The following ATP2A3 variants were observed in gnomAD, a reference collection of about 807,000 sequenced individuals.
ATP2A3 encodes the protein ATPase sarcoplasmic/endoplasmic reticulum Ca2+ transporting 3, also known as sarcoplasmic/endoplasmic reticulum calcium ATPase 3.
ATP2A3 carries 61 observed loss-of-function variants against 106.8 expected under a neutral mutation model. The observed-to-expected ratio is 0.57, with a 90% confidence interval of 0.46 to 0.71. The LOEUF (loss-of-function observed/expected upper bound fraction) is 0.71. Among genes scored for constraint, ATP2A3 ranks in the 30% least tolerant of loss-of-function variants. The pLI, the probability that ATP2A3 is intolerant of heterozygous loss-of-function variation, is 0.00. For synonymous variants in ATP2A3, 611 were observed against 609.3 expected, an observed-to-expected ratio of 1.00 and a Z score of -0.04; for missense variants, 1,201 against 1,423.5, an observed-to-expected ratio of 0.84 and a Z score of 2.52.
In ATP2A3 at chr17:3,947,257, C is replaced by T; in HGVS notation, c.1095+134G>A. 9.1e-7 allele frequency: 1 copy of T among 1,104,760 alleles called. No individual in the cohort carries two copies. Among genetic ancestry groups the T allele is most frequent in the Non-Finnish European group, 1.3e-6 (1 of 753,018 alleles). 68.4% of individuals were successfully genotyped at this position (1,104,760 alleles called of 1,614,324 possible). A position where few individuals can be genotyped will look rare whatever the true frequency, so the allele number is the denominator to read the frequency against. On this transcript the variant is annotated intron_variant, in intron 8 of 20. Transcript: ENST00000397041. The surrounding 1 kb of genome is among the most constrained non-coding windows in gnomAD (Gnocchi z 7.7). Reference sequence around the variant, plus strand: ...CCCTGTCATCTTGTGAAAACCTGGACCTGCTCTGGGCCAAGGGACAGCCCA... The same window carrying T: ...CCCTGTCATCTTGTGAAAACCTGGATCTGCTCTGGGCCAAGGGACAGCCCA...
intron 8 of ATP2A3, among the ~76,000 whole-genome samples, chr17:3,946,272 C>A (rs1259535107): frequency 2.6e-5 from 4 of 151,068 alleles, no homozygotes; most frequent in African/African-American, 9.8e-5. Flanking sequence ...TTTATTAGGG[C>A]CGGGCACGGT....
Position 3,951,208 on chromosome 17 carries a change from TAAATAAAATA to T in ATP2A3, c.463+33_463+42del, listed in dbSNP as rs750689935. The T allele has an allele frequency of 1.0e-5, 13 of 1,249,038 alleles. No homozygotes were observed. The Admixed American group carries it at 1.2e-4, about 11-fold the overall frequency. 77.4% of individuals were successfully genotyped at this position (1,249,038 alleles called of 1,614,324 possible). Reference sequence around the variant, plus strand: ...TAAATAAATAAATAAAATAAATAAATAAATAAAATAAAATAAAATAAAAGGAGGAGGCCCC... The same window carrying T: ...TAAATAAATAAATAAAATAAATAAATAAATAAAATAAAAGGAGGAGGCCCC... On this transcript the variant is annotated intron_variant, in intron 5 of 20. Transcript: ENST00000397041.
rs10668980 is a variant in ATP2A3, at chr17:3,935,535, C to CTTT, written c.2525-261_2525-259dup. ...GCCAATGAGAACAGGCCTGTTGAGA[C>CTTT]TTTTTTTTTTTTTTTTTTTTGAGAC... is the stretch of plus-strand genomic sequence containing the variant. On this transcript the variant is annotated intron_variant, in intron 16 of 20. Coordinates refer to ENST00000397041, the MANE Select transcript of ATP2A3 (RefSeq NM_005173.4). Among the ~76,000 whole-genome samples, 293 of 113,998 alleles carry CTTT rather than the reference C, an allele frequency of 2.6e-3. 4 individuals carry two copies. Among genetic ancestry groups the CTTT allele is most frequent in the South Asian group, 5.2e-3 (18 of 3,466 alleles). 74.8% of individuals were successfully genotyped at this position (113,998 alleles called of 152,430 possible). A position where few individuals can be genotyped will look rare whatever the true frequency, so the allele number is the denominator to read the frequency against.
In ATP2A3 at chr17:3,947,779, CG is replaced by C. The variant is rs1567708862; in HGVS notation, c.706del (p.Arg236GlyfsTer31). The C allele has an allele frequency of 6.2e-7, 1 of 1,602,736 alleles. No individual in the cohort carries two copies. The part of the protein sequence containing the change: ...TGLHTELGKI[R>X]SQMAAVEPER... The stretch of plus-strand genomic sequence containing the variant: ...GGGCTCGACTGCCGCCATCTGGCTC[CG>C]GATCTTGCCCAGCTCCGTGTGCAGG... On this transcript the variant is annotated frameshift_variant, in exon 8 of 21. Coordinates refer to ENST00000397041, the MANE Select transcript of ATP2A3 (RefSeq NM_005173.4). LOFTEE classifies it high-confidence loss of function. The surrounding 1 kb of genome is among the most constrained non-coding windows in gnomAD (Gnocchi z 7.7).
In ATP2A3 at chr17:3,951,366, G is replaced by T. The variant is rs987773696; in HGVS notation, c.348C>A (p.Ile116=). The T allele has an allele frequency of 6.2e-7, 1 of 1,613,802 alleles. No homozygotes were observed. Among genetic ancestry groups the T allele is most frequent in the Non-Finnish European group, 8.5e-7 (1 of 1,180,026 alleles). ...CAGGCTCATACTCCTTCAGGGCCTC[G>T]ATGGCACTCTCGGCGTTGCGTTCCT... is the stretch of plus-strand genomic sequence containing the variant. ...VWQERNAESA[I]EALKEYEPEM... Residue 116 remains isoleucine, a synonymous_variant, in exon 5 of 21, where the codon ATC becomes ATA. Coordinates refer to ENST00000397041, the MANE Select transcript of ATP2A3 (RefSeq NM_005173.4).
rs2052840702 is a variant in ATP2A3, at chr17:3,928,433, C to T, written c.2980+230G>A. 8.4e-7 allele frequency: 1 copy of T among 1,185,854 alleles called. No homozygotes were observed. The highest frequency in any genetic ancestry group is 1.3e-5 in the South Asian group (1 of 77,176). 73.5% of individuals were successfully genotyped at this position (1,185,854 alleles called of 1,614,324 possible). A position where few individuals can be genotyped will look rare whatever the true frequency, so the allele number is the denominator to read the frequency against. ...GTGAGGCAGTGTGGCCCAAGAGGTG[C>T]TCCCGTTGCTGGCCCAGTGAGCCCA... On this transcript the variant is annotated intron_variant, in intron 20 of 20. Coordinates refer to ENST00000397041, the MANE Select transcript of ATP2A3 (RefSeq NM_005173.4). The surrounding 1 kb of genome is among the most constrained non-coding windows in gnomAD (Gnocchi z 6.1).
chr17:3,963,781 G>C (rs968050636), intron 1 of ATP2A3, among the ~76,000 whole-genome samples: 7 of 152,228 alleles, frequency 4.6e-5, no homozygotes, highest in East Asian at 1.9e-4. Flanking sequence ...CTGAGTCTCC[G>C]GCCGTCCCTC....
Position 3,928,021 on chromosome 17 carries a change from G to T in ATP2A3, c.2980+642C>A, listed in dbSNP as rs757758586. ...CTCTGAGCAGCTCTGACAGCGAGAC[G>T]ATGCTGTGTCCCTGGCCCTTGGAAG... is the stretch of plus-strand genomic sequence containing the variant. On this transcript the variant is annotated intron_variant, in intron 20 of 20. Transcript: ENST00000397041. This position sits in a 1 kb window ranked among gnomAD's most constrained non-coding sequence, Gnocchi z 6.1. 5.6e-6 allele frequency: 9 copies of T among 1,614,060 alleles called. No homozygotes were observed. In the South Asian group the frequency reaches 9.9e-5, roughly 18 times the overall value.
At chr17:3,939,042 C>T (rs57091978) in intron 14 of ATP2A3, among the ~76,000 whole-genome samples, 11,392 of 152,098 alleles carry the variant, frequency 0.075, 849 homozygotes, top group East Asian at 0.43. Context: ...TGGTGCATGC[C>T]TGTAGTCCCA....
chr17:3,940,834 T>G, intron 14 of ATP2A3, 137 bp downstream of exon 14: 1 of 1,139,532 alleles, frequency 8.8e-7, no homozygotes, highest in Non-Finnish European at 1.3e-6. Flanking sequence ...AAATTTCTTT[T>G]TGTATTTGAA....
Position 3,936,230 on chromosome 17 carries a change from G to T in ATP2A3, c.2524+37C>A, listed in dbSNP as rs754214988. Reference sequence around the variant, plus strand: ...AAGCCTGATACAAGGCTCTTAGGAAGCTTAGGAATTCCACGGAGGGCTCAG... The same window carrying T: ...AAGCCTGATACAAGGCTCTTAGGAATCTTAGGAATTCCACGGAGGGCTCAG... On this transcript the variant is annotated intron_variant, in intron 16 of 20. Transcript: ENST00000397041. This position sits in a 1 kb window ranked among gnomAD's most constrained non-coding sequence, Gnocchi z 5.4. 6.2e-7 allele frequency: 1 copy of T among 1,611,142 alleles called. No homozygotes were observed. Among genetic ancestry groups the T allele is most frequent in the South Asian group, 1.1e-5 (1 of 91,028 alleles).
In ATP2A3 at chr17:3,941,190, A is replaced by G. The variant is rs1251251467; in HGVS notation, c.1881T>C (p.Asp627=). 1.2e-6 allele frequency: 2 copies of G among 1,614,014 alleles called. No homozygotes were observed. Among genetic ancestry groups the G allele is most frequent in the Non-Finnish European group, 1.7e-6 (2 of 1,180,032 alleles). Residue 627 remains aspartate, a synonymous_variant, in exon 14 of 21, where the codon GAT becomes GAC. Coordinates refer to ENST00000397041, the MANE Select transcript of ATP2A3 (RefSeq NM_005173.4). ...AGATGGCCACGGCAGTGCCTTTGTT[A>G]TCCCCCGTGATCATGACCACGCGGA... The part of the protein sequence containing the change: ...AGIRVVMITG[D]NKGTAVAICR...
At chr17:3,946,905 G>A (rs190389898) in intron 8 of ATP2A3, among the ~76,000 whole-genome samples, 1 of 152,372 alleles carries the variant, frequency 6.6e-6, no homozygotes, top group East Asian at 1.9e-4. Context: ...AGTGAGCCCA[G>A]GATGTGGGAT....
At chr17:3,932,889 G>A (rs920016418) in intron 17 of ATP2A3, among the ~76,000 whole-genome samples, 1 of 151,740 alleles carries the variant, frequency 6.6e-6, no homozygotes, top group Non-Finnish European at 1.5e-5. Flanking sequence ...ATCCATACAT[G>A]TACACACAAA....
chr17:3,941,716 G>T, intron 12 of ATP2A3, 62 bp from the exon 13 acceptor site: 1 of 1,548,678 alleles, frequency 6.5e-7, no homozygotes. Flanking sequence ...TCTCCTTCCT[G>T]CCCAAACTCA....
chr17:3,953,709 C>A lies in ATP2A3; in HGVS notation c.120G>T (p.Glu40Asp). Residue 40 changes from glutamate to aspartate, a missense_variant and splice_region_variant, in exon 2 of 21, where the codon GAG becomes GAT. Transcript: ENST00000397041. This position sits in a 1 kb window ranked among gnomAD's most constrained non-coding sequence, Gnocchi z 5.1. ...TGARERYGPNELPSEEGKSLW... is the reference protein window; with the variant it reads ...TGARERYGPNDLPSEEGKSLW... ...CAGCCTCACCTTCCTCACTCGGGAG[C>A]TCTGCAGGATCCAGGCAGCCACGGG... 6.4e-7 allele frequency: 1 copy of A among 1,570,802 alleles called. No homozygotes were observed. Among genetic ancestry groups the A allele is most frequent in the Admixed American group, 1.9e-5 (1 of 53,542 alleles).
At chr17:3,960,045 G>A (rs766913351) in intron 1 of ATP2A3, among the ~76,000 whole-genome samples, 1 of 152,184 alleles carries the variant, frequency 6.6e-6, no homozygotes, top group Admixed American at 6.5e-5. Flanking sequence ...CATGAAAGAC[G>A]TTGAGCTTCC....
rs550626721 is a variant in ATP2A3, at chr17:3,963,242, C to T, written c.118+932G>A. On this transcript the variant is annotated intron_variant, in intron 1 of 20. Coordinates refer to ENST00000397041, the MANE Select transcript of ATP2A3 (RefSeq NM_005173.4). Reference sequence around the variant, plus strand: ...CAAGGCTCCAAGTCCCCAAAGGATGCAGACCCAGGCTGCCCTCTGTAGATG... The same window carrying T: ...CAAGGCTCCAAGTCCCCAAAGGATGTAGACCCAGGCTGCCCTCTGTAGATG... 2.6e-5 allele frequency among the ~76,000 whole-genome samples: 4 copies of T among 152,352 alleles called. No homozygotes were observed. The South Asian group carries it at 8.3e-4, about 32-fold the overall frequency.
At chr17:3,951,558 G>GGCCCCC in intron 4 of ATP2A3, 23 bp downstream of exon 4, 2 of 716,226 alleles carry the variant, frequency 2.8e-6, no homozygotes, top group Admixed American at 2.8e-5. Flanking sequence ...CCCCCGCCCG[G>GGCCCCC]TCCCACCCCC....
Sources: allele counts gnomAD v4.1 joint callset (sites outside exome capture counted in the v4.1 genomes callset), GRCh38; gene constraint gnomAD v4.1.1; non-coding constraint Gnocchi (gnomAD v3.1); transcripts MANE v1.5; gene names NCBI Gene and HGNC (gene_info 2026-07-23, HGNC 2026-07-21).